DACH2: variants seen among roughly 807,000 people sequenced by gnomAD.
DACH2 encodes the protein dachshund family transcription factor 2.
Under a neutral mutation model 35.8 loss-of-function variants are expected in DACH2, and 17 were observed. The ratio of observed to expected loss-of-function variants is 0.48; its 90% CI spans 0.33 to 0.71. DACH2 has a LOEUF of 0.71. Ranked by LOEUF, DACH2 falls within the 30% of genes least tolerant of loss-of-function variation. The pLI, the probability that DACH2 is intolerant of heterozygous loss-of-function variation, is 0.02. For missense variants in DACH2, 469 were observed against 472.7 expected (o/e 0.99, Z 0.07); for synonymous variants, 195 against 177.3 (o/e 1.10, Z -0.79).
intron 1 of DACH2, among the ~76,000 whole-genome samples, chrX:86,156,660 G>A (rs1025580179): frequency 9.0e-6 from 1 of 110,726 alleles, no homozygotes; most frequent in Non-Finnish European, 1.9e-5. Context: ...TTATGAAAAG[G>A]CAATAATTAA....
intron 3 of DACH2, among the ~76,000 whole-genome samples, chrX:86,647,308 G>T (rs184499685): frequency 9.0e-6 from 1 of 110,540 alleles, no homozygotes; most frequent in Admixed American, 9.7e-5. Flanking sequence ...AAAAAACCTG[G>T]TATTTATATA....
At chrX:86,411,513 C>T (rs1026858634) in intron 2 of DACH2, among the ~76,000 whole-genome samples, 1 of 110,693 alleles carries the variant, frequency 9.0e-6, no homozygotes, top group African/African-American at 3.3e-5. Context: ...ATAATGAGGT[C>T]ATAATTACAC....
chrX:86,459,949 C>T (rs2037539916), intron 2 of DACH2, among the ~76,000 whole-genome samples: 2 of 110,656 alleles, frequency 1.8e-5, no homozygotes, highest in African/African-American at 6.5e-5. Context: ...AAATGTGTTT[C>T]CACAACTAAA....
intron 1 of DACH2, among the ~76,000 whole-genome samples, chrX:86,151,969 G>A (rs2030382089): frequency 9.0e-6 from 1 of 111,253 alleles, no homozygotes; most frequent in South Asian, 3.8e-4. Flanking sequence ...CCCAAGATGA[G>A]TGATGTACCA....
intron 3 of DACH2, among the ~76,000 whole-genome samples, chrX:86,567,087 T>C (rs2039302665): frequency 9.0e-6 from 1 of 111,525 alleles, no homozygotes; most frequent in Non-Finnish European, 1.9e-5. Flanking sequence ...GGACGGGTAG[T>C]GTTTGGATAT....
intron 4 of DACH2, among the ~76,000 whole-genome samples, chrX:86,654,187 TA>T (rs764775335): frequency 0.063 from 2,542 of 40,404 alleles, 173 homozygotes; most frequent in African/African-American, 0.19. Context: ...ACATTTTTAG[TA>T]AAAAAAAAAA....
chrX:86,512,462 A>G (rs1188700538), intron 2 of DACH2, among the ~76,000 whole-genome samples: 1 of 111,724 alleles, frequency 9.0e-6, no homozygotes, highest in Non-Finnish European at 1.9e-5. Flanking sequence ...TATGGCTTTC[A>G]AAGTGTACTG....
intron 1 of DACH2, among the ~76,000 whole-genome samples, chrX:86,150,287 C>A (rs776048017): frequency 1.7e-4 from 19 of 111,835 alleles, no homozygotes; most frequent in Non-Finnish European, 3.2e-4. Flanking sequence ...AGCACTACTG[C>A]TTATTATTTT....
intron 2 of DACH2, among the ~76,000 whole-genome samples, chrX:86,423,461 A>T (rs1352057781): frequency 9.1e-6 from 1 of 109,615 alleles, no homozygotes; most frequent in Non-Finnish European, 1.9e-5. Context: ...TGCCCTTTTT[A>T]TGTCTTCTTT....
intron 2 of DACH2, among the ~76,000 whole-genome samples, chrX:86,382,698 G>A (rs1420216323): frequency 9.0e-6 from 1 of 110,730 alleles, no homozygotes; most frequent in East Asian, 2.8e-4. Flanking sequence ...TCTATAAGTA[G>A]TCCTGGGAAA....
chrX:86,170,545 C>T (rs2031091674), intron 1 of DACH2, among the ~76,000 whole-genome samples: 1 of 111,721 alleles, frequency 9.0e-6, no homozygotes, highest in Non-Finnish European at 1.9e-5. Flanking sequence ...GCTGAGCTGG[C>T]CCTCAAATCA....
chrX:86,489,952 C>T (rs189000539), intron 2 of DACH2, among the ~76,000 whole-genome samples: 28 of 111,680 alleles, frequency 2.5e-4, no homozygotes, highest in African/African-American at 8.4e-4. Flanking sequence ...TAGAAAATAG[C>T]GTCTTTGGAC....
chrX:86,432,171 C>T lies in DACH2; in HGVS notation c.527+55309C>T, dbSNP rs143077573. Among the ~76,000 whole-genome samples the T allele has an allele frequency of 6.2e-3, 695 of 112,250 alleles. 2 individuals are homozygous for T. The highest frequency in any genetic ancestry group is 0.012 in the South Asian group (32 of 2,734). On this transcript the variant is annotated intron_variant, in intron 2 of 11. Transcript: ENST00000373125. ...AAATCTACAAAGTCCCCAAAGTCAG[C>T]TTAAATGTTGAATAACTTAGAATAT...
At chrX:86,602,662 G>A (rs1398334551) in intron 3 of DACH2, among the ~76,000 whole-genome samples, 2 of 111,598 alleles carry the variant, frequency 1.8e-5, no homozygotes, top group Non-Finnish European at 3.8e-5. Flanking sequence ...CATGTCTGTC[G>A]AGATCTTTTG....
chrX:86,598,361 G>A (rs1394518539), intron 3 of DACH2, among the ~76,000 whole-genome samples: 3 of 111,756 alleles, frequency 2.7e-5, no homozygotes, highest in Admixed American at 9.5e-5. Flanking sequence ...TTTTAGCATC[G>A]TTCTCTTTGA....
intron 2 of DACH2, among the ~76,000 whole-genome samples, chrX:86,427,451 G>A (rs773992491): frequency 6.3e-5 from 7 of 110,963 alleles, no homozygotes; most frequent in African/African-American, 1.3e-4. Flanking sequence ...TGTTCTGAGC[G>A]TGTAGTGAAT....
chrX:86,162,809 C>T (rs1381222805), intron 1 of DACH2, among the ~76,000 whole-genome samples: 2 of 111,094 alleles, frequency 1.8e-5, no homozygotes, highest in African/African-American at 3.3e-5. Flanking sequence ...TTGATTCTAG[C>T]TTGCCATAAC....
At chrX:86,239,931 A>G (rs1276481610) in intron 1 of DACH2, among the ~76,000 whole-genome samples, 2 of 111,917 alleles carry the variant, frequency 1.8e-5, no homozygotes, top group African/African-American at 6.5e-5. Context: ...ATGTGTCTGC[A>G]TGGAGGATTT....
At chrX:86,646,870 A>AT (rs955347827) in intron 3 of DACH2, among the ~76,000 whole-genome samples, 5 of 108,788 alleles carry the variant, frequency 4.6e-5, no homozygotes, top group African/African-American at 9.9e-5. Context: ...AGCTGAAAAT[A>AT]TTTTTTTTCT....
Sources: allele counts gnomAD v4.1 joint callset (sites outside exome capture counted in the v4.1 genomes callset), GRCh38; gene constraint gnomAD v4.1.1; transcripts MANE v1.5; gene names NCBI Gene and HGNC (gene_info 2026-07-23, HGNC 2026-07-21).